Variants in CDC123 observed in about 807,000 individuals in gnomAD.
The protein encoded by CDC123 is cell division cycle 123, also known as translation initiation factor eIF2 assembly protein.
Under a neutral mutation model 54.4 loss-of-function variants are expected in CDC123, and 37 were observed. The ratio of observed to expected loss-of-function variants is 0.68; its 90% confidence interval spans 0.52 to 0.89. The LOEUF (loss-of-function observed/expected upper bound fraction) is 0.89, where lower values mean the gene tolerates loss of function less well. CDC123 is among the 40% of genes least tolerant of loss of function. The probability of loss-of-function intolerance (pLI) is 0.00; values close to 1 mark genes in which losing one functional copy is unlikely to be tolerated. For missense variants in CDC123, 361 were observed against 412.1 expected, an observed-to-expected ratio of 0.88 and a Z score of 1.07; for synonymous variants, 144 against 136.8, an observed-to-expected ratio of 1.05 and a Z score of -0.37.
At chr10:12,231,443 C>T (rs1049155826) in intron 7 of CDC123, among the ~76,000 whole-genome samples, 3 of 151,798 alleles carry the variant, frequency 2.0e-5, no homozygotes, top group East Asian at 1.9e-4. Flanking sequence ...GCCATCATGG[C>T]GAAACCCCGC....
chr10:12,234,461 C>T (rs563243712), intron 7 of CDC123, among the ~76,000 whole-genome samples: 85 of 152,312 alleles, frequency 5.6e-4, no homozygotes, highest in African/African-American at 1.9e-3. Flanking sequence ...CTCAGGTGAT[C>T]GCCCGCCTCA....
At chr10:12,250,248 C>G in intron 12 of CDC123, 63 bp from the exon 13 acceptor site, 2 of 1,026,136 alleles carry the variant, frequency 1.9e-6, no homozygotes, top group Non-Finnish European at 2.9e-6. Flanking sequence ...AAAATTACAC[C>G]TGCTGAGCAG....
At chr10:12,201,402 G>A (rs900543831) in intron 2 of CDC123, among the ~76,000 whole-genome samples, 3 of 152,190 alleles carry the variant, frequency 2.0e-5, no homozygotes, top group Non-Finnish European at 2.9e-5. Context: ...TGAGGATCGC[G>A]AGGAGGGTCG....
chr10:12,231,909 G>C (rs960425290), intron 7 of CDC123, among the ~76,000 whole-genome samples: 1 of 151,768 alleles, frequency 6.6e-6, no homozygotes, highest in African/African-American at 2.4e-5. Flanking sequence ...GCAGTGGCGC[G>C]ATCTCAGCTC....
At chr10:12,211,616 A>G (rs542465767) in intron 4 of CDC123, among the ~76,000 whole-genome samples, 71 of 152,356 alleles carry the variant, frequency 4.7e-4, no homozygotes, top group African/African-American at 1.6e-3. Context: ...GAGATGAACA[A>G]AGATGAATAT....
chr10:12,225,221 C>A (rs1031361294), intron 6 of CDC123, among the ~76,000 whole-genome samples: 18 of 152,016 alleles, frequency 1.2e-4, no homozygotes, highest in Non-Finnish European at 1.8e-4. Flanking sequence ...TCGATGAAAC[C>A]CCATCTCTAC....
chr10:12,222,249 C>G (rs143891717), intron 6 of CDC123, among the ~76,000 whole-genome samples: 194 of 152,354 alleles, frequency 1.3e-3, no homozygotes, highest in African/African-American at 4.6e-3. Context: ...ATAATGTACT[C>G]TAGAAAATAC....
chr10:12,227,015 A>G (rs932538289), intron 6 of CDC123, among the ~76,000 whole-genome samples: 3 of 152,148 alleles, frequency 2.0e-5, no homozygotes, highest in Non-Finnish European at 4.4e-5. Context: ...GCACTTTGGG[A>G]GGCCGAGGCT....
chr10:12,238,741 C>G (rs1392800869), intron 10 of CDC123, among the ~76,000 whole-genome samples: 3 of 151,830 alleles, frequency 2.0e-5, no homozygotes, highest in Admixed American at 2.0e-4. Context: ...TAGCCCAGGC[C>G]AGGCACAGTG....
intron 4 of CDC123, among the ~76,000 whole-genome samples, chr10:12,211,432 C>T (rs1440000228): frequency 6.6e-6 from 1 of 152,100 alleles, no homozygotes; most frequent in African/African-American, 2.4e-5. Flanking sequence ...TCAAAACTGA[C>T]ATATTTCTTT....
intron 12 of CDC123, chr10:12,250,025 CTGG>C (rs1442282971): frequency 6.3e-6 from 3 of 474,922 alleles, no homozygotes; most frequent in African/African-American, 4.0e-5. Flanking sequence ...GGTCTCTGCT[CTGG>C]TGGTGATTTT....
intron 6 of CDC123, among the ~76,000 whole-genome samples, chr10:12,225,902 C>T (rs1461416033): frequency 1.3e-5 from 2 of 151,576 alleles, no homozygotes; most frequent in Admixed American, 6.6e-5. Flanking sequence ...GGCAGAGGAC[C>T]CTGCGGCCTT....
intron 6 of CDC123, among the ~76,000 whole-genome samples, chr10:12,227,531 T>G (rs1241977048): frequency 6.6e-6 from 1 of 151,908 alleles, no homozygotes; most frequent in Non-Finnish European, 1.5e-5. Flanking sequence ...AGAGTCTCAC[T>G]CTATTGCCCA....
At chr10:12,230,702 A>G (rs1330488224) in intron 6 of CDC123, among the ~76,000 whole-genome samples, 1 of 152,340 alleles carries the variant, frequency 6.6e-6, no homozygotes, top group Non-Finnish European at 1.5e-5. Context: ...TATAGAAATG[A>G]TCCTGGAAGG....
intron 4 of CDC123, among the ~76,000 whole-genome samples, chr10:12,210,704 T>C (rs915386889): frequency 1.3e-5 from 2 of 152,174 alleles, no homozygotes; most frequent in Non-Finnish European, 2.9e-5. Flanking sequence ...TTAGTTGTTT[T>C]GTGTATTTAT....
At position 12,250,540 on chromosome 10, in the gene CDC123, A is replaced by T; in HGVS notation, c.*203A>T. On this transcript the variant is annotated 3_prime_UTR_variant, in exon 13 of 13. Coordinates refer to ENST00000281141, the MANE Select transcript of CDC123 (RefSeq NM_006023.3). ...AAAATAACATAATAAATAGATCTTAAACATAGGAAAACCATACTGTTCTGA... is the reference window on the plus strand; with the variant it reads ...AAAATAACATAATAAATAGATCTTATACATAGGAAAACCATACTGTTCTGA... The T allele has an allele frequency of 1.6e-6, 1 of 620,970 alleles. No individual in the cohort carries two copies. Among genetic ancestry groups the T allele is most frequent in the Middle Eastern group, 3.1e-4 (1 of 3,178 alleles). The allele number at this position is 620,970 out of a possible 1,614,324, so 38.5% of individuals were successfully genotyped here.
intron 6 of CDC123, among the ~76,000 whole-genome samples, chr10:12,227,985 G>C (rs2131751028): frequency 6.6e-6 from 1 of 152,236 alleles, no homozygotes; most frequent in South Asian, 2.1e-4. Flanking sequence ...CTCTGGGCTA[G>C]AGTGCAATGG....
chr10:12,210,330 C>T lies in CDC123; in HGVS notation c.237+8C>T, dbSNP rs768279741. 5.0e-6 allele frequency: 8 copies of T among 1,614,032 alleles called. No homozygotes were observed. The highest frequency in any genetic ancestry group is 6.8e-6 in the Non-Finnish European group (8 of 1,179,994). On this transcript the variant is annotated splice_region_variant and intron_variant, in intron 4 of 12. Coordinates refer to ENST00000281141, the MANE Select transcript of CDC123 (RefSeq NM_006023.3). ...AACACAGCCACGCTTACGGTAAGAG[C>T]ACAGCAGACTCAGCGTGGGGACAGC...
chr10:12,250,578 T>G lies in CDC123; in HGVS notation c.*241T>G. On this transcript the variant is annotated 3_prime_UTR_variant, in exon 13 of 13. Transcript: ENST00000281141. Reference sequence around the variant, plus strand: ...CATACTGTTCTGATAATAAAATGCTTTCTATGAAATACGTTGCTTTTCTAC... The same window carrying G: ...CATACTGTTCTGATAATAAAATGCTGTCTATGAAATACGTTGCTTTTCTAC... The G allele has an allele frequency of 2.2e-6, 1 of 448,980 alleles. No homozygotes were observed. Among genetic ancestry groups the G allele is most frequent in the Non-Finnish European group, 4.1e-6 (1 of 246,756 alleles). 27.8% of individuals were successfully genotyped at this position (448,980 alleles called of 1,614,324 possible).
Sources: gnomAD v4.1 joint callset for allele counts (sites outside exome capture counted in the v4.1 genomes callset) on GRCh38, gnomAD v4.1.1 for gene constraint, MANE v1.5 for transcripts, NCBI Gene and HGNC (gene_info 2026-07-23, HGNC 2026-07-21) for gene names.